Variants in COL5A2 observed in about 807,000 individuals in gnomAD.
COL5A2 encodes the protein collagen type V alpha 2 chain.
COL5A2 carries 23 observed loss-of-function variants against 208.2 expected under a neutral mutation model. The observed-to-expected ratio is 0.11, with a 90% CI of 0.08 to 0.16. COL5A2 has a LOEUF of 0.16. COL5A2 is among the 10% of genes least tolerant of loss of function. The probability of loss-of-function intolerance (pLI) is 1.00; values close to 1 mark genes in which losing one functional copy is unlikely to be tolerated. For synonymous variants in COL5A2, 625 were observed against 628.5 expected, an observed-to-expected ratio of 0.99 and a Z score of 0.08; for missense variants, 1,590 against 1,956.4, an observed-to-expected ratio of 0.81 and a Z score of 3.53.
At position 189,179,555 on chromosome 2, in the gene COL5A2, A is replaced by G; in HGVS notation, c.50T>C (p.Leu17Ser). The change falls in exon 1 of 54, where the codon TTA (leucine) becomes TCA (serine). Residue 17 changes from leucine (L) to serine (S), a missense_variant. By Grantham distance (145) the Leu-to-Ser change is moderately radical. Coordinates refer to ENST00000374866, the MANE Select transcript of COL5A2 (RefSeq NM_000393.5). ...EARPLLILIVLLGQFVSIKAQ... is the reference protein window; with the variant it reads ...EARPLLILIVSLGQFVSIKAQ... ...TTTTATTGAGACAAATTGCCCTAATAAAACAATAAGAATGAGGAGAGGTCT... is the reference window on the plus strand; with the variant it reads ...TTTTATTGAGACAAATTGCCCTAATGAAACAATAAGAATGAGGAGAGGTCT... 2 of 1,611,136 alleles carry G rather than the reference A, an allele frequency of 1.2e-6. No homozygotes were observed. Among genetic ancestry groups the G allele is most frequent in the African/African-American group, 1.3e-5 (1 of 74,984 alleles).
At chr2:189,292,042 C>G in the COL5A2 span, among the ~76,000 whole-genome samples, 21,421 of 152,030 alleles carry the variant, frequency 0.14, 1,925 homozygotes, top group South Asian at 0.21. Flanking sequence ...TAGCTCCAAC[C>G]TTTATGAAAT....
chr2:189,071,574 G>C (rs572355598), intron 18 of COL5A2, among the ~76,000 whole-genome samples: 1 of 152,178 alleles, frequency 6.6e-6, no homozygotes, highest in Non-Finnish European at 1.5e-5. Context: ...GGATTGTGGA[G>C]CTGGGGGAGT....
intron 23 of COL5A2, 116 bp from the exon 24 acceptor site, chr2:189,065,173 A>T (rs1405769737): frequency 1.3e-5 from 12 of 900,102 alleles, no homozygotes; most frequent in Non-Finnish European, 2.2e-5. Context: ...TCAAGCCAAC[A>T]TGGCTATAGA....
At chr2:189,419,805 CAGAAA>C in the COL5A2 span, among the ~76,000 whole-genome samples, 30 of 136,236 alleles carry the variant, frequency 2.2e-4, 1 homozygote, top group South Asian at 1.2e-3. Context: ...AGAAGAAAAA[CAGAAA>C]AGAAAAGAAA....
intron 1 of COL5A2, among the ~76,000 whole-genome samples, chr2:189,129,463 T>G (rs1687669134): frequency 2.0e-5 from 3 of 152,060 alleles, no homozygotes; most frequent in African/African-American, 7.2e-5. Context: ...GGACATTCCT[T>G]GAATTATTCA....
At chr2:189,182,490 G>C (rs532830555), upstream of COL5A2, among the ~76,000 whole-genome samples, 12 of 151,978 alleles carry the variant, frequency 7.9e-5, no homozygotes, top group East Asian at 2.3e-3. Flanking sequence ...GCTCTTTTTA[G>C]ACCTACTTGA....
intron 11 of COL5A2, 88 bp downstream of exon 11, chr2:189,085,072 A>G (rs1179051623): frequency 3.8e-5 from 41 of 1,069,164 alleles, no homozygotes; most frequent in Middle Eastern, 4.0e-4. Flanking sequence ...GGGAAATGTA[A>G]TGGAAATTAA....
At chr2:189,078,418 A>T in intron 16 of COL5A2, 98 bp downstream of exon 16, 1 of 941,830 alleles carries the variant, frequency 1.1e-6, no homozygotes, top group South Asian at 1.3e-5. Flanking sequence ...GGTGACCAGT[A>T]CTATTACTTT....
chr2:189,383,930 C>T, the COL5A2 span, among the ~76,000 whole-genome samples: 1 of 152,052 alleles, frequency 6.6e-6, no homozygotes, highest in African/African-American at 2.4e-5. Flanking sequence ...CTTTCCTATC[C>T]TCTGGTAACC....
chr2:189,326,142 A>T, the COL5A2 span, among the ~76,000 whole-genome samples: 2 of 151,800 alleles, frequency 1.3e-5, no homozygotes, highest in Non-Finnish European at 2.9e-5. Flanking sequence ...AATGGTGATG[A>T]GAATTGTATG....
At chr2:189,238,915 G>A in the COL5A2 span, among the ~76,000 whole-genome samples, 1 of 152,018 alleles carries the variant, frequency 6.6e-6, no homozygotes, top group Non-Finnish European at 1.5e-5. Context: ...ATAATCAGAG[G>A]TCAGGTTTTA....
chr2:189,367,313 T>C, the COL5A2 span, among the ~76,000 whole-genome samples: 1 of 152,292 alleles, frequency 6.6e-6, no homozygotes, highest in African/African-American at 2.4e-5. Context: ...AGACAAACTA[T>C]GATAGTCAGT....
chr2:189,104,288 A>G lies in COL5A2; in HGVS notation c.323-11T>C. The G allele has an allele frequency of 6.7e-7, 1 of 1,488,736 alleles. No homozygotes were observed. The highest frequency in any genetic ancestry group is 9.4e-7 in the Non-Finnish European group (1 of 1,068,282). 92.2% of individuals were successfully genotyped at this position (1,488,736 alleles called of 1,614,324 possible). On this transcript the variant is annotated splice_polypyrimidine_tract_variant and intron_variant, in intron 2 of 53. Coordinates refer to ENST00000374866, the MANE Select transcript of COL5A2 (RefSeq NM_000393.5). ...CCTTTCTTCCTCTACCTGTAAAAAG[A>G]AAAGAGTAAATGTGTTATTTTATGA...
the COL5A2 span, among the ~76,000 whole-genome samples, chr2:189,391,087 A>C: frequency 5.9e-5 from 9 of 152,166 alleles, no homozygotes; most frequent in African/African-American, 2.2e-4. Flanking sequence ...TGTGATTTTT[A>C]ATTTTGAAAG....
chr2:189,323,798 C>G, the COL5A2 span, among the ~76,000 whole-genome samples: 7 of 152,146 alleles, frequency 4.6e-5, no homozygotes, highest in African/African-American at 1.7e-4. Flanking sequence ...CAATGCCTTT[C>G]TTCACAGAAT....
intron 1 of COL5A2, among the ~76,000 whole-genome samples, chr2:189,172,727 C>A (rs570070379): frequency 6.6e-6 from 1 of 151,980 alleles, no homozygotes; most frequent in African/African-American, 2.4e-5. Context: ...AGTAGTGTTT[C>A]CACCAATAAT....
intron 30 of COL5A2, 52 bp downstream of exon 30, chr2:189,061,510 A>T: frequency 7.4e-7 from 1 of 1,349,364 alleles, no homozygotes. Context: ...TTTAAAAAAA[A>T]AAAGCATTTT....
exon 1 of COL5A2, among the ~76,000 whole-genome samples, chr2:189,225,259 G>A (rs375102548): frequency 5.3e-5 from 8 of 152,168 alleles, no homozygotes; most frequent in African/African-American, 1.9e-4. Context: ...TAATAAGGCT[G>A]CTATTGGGTA....
At chr2:189,217,944 C>A (rs528243937) in intron 1 of COL5A2, among the ~76,000 whole-genome samples, 3 of 152,254 alleles carry the variant, frequency 2.0e-5, no homozygotes, top group Admixed American at 2.0e-4. Flanking sequence ...AGCTGCTATT[C>A]TCAGGAATTT....
Sources: allele counts gnomAD v4.1 joint callset (sites outside exome capture counted in the v4.1 genomes callset), GRCh38; gene constraint gnomAD v4.1.1; transcripts MANE v1.5; gene names NCBI Gene and HGNC (gene_info 2026-07-23, HGNC 2026-07-21).